ADK: variants seen among roughly 807,000 people sequenced by gnomAD.
ADK encodes adenosine kinase, also known as N6,N6-dimethyladenosine kinase.
ADK carries 24 observed loss-of-function variants against 44.7 expected under a neutral mutation model. The observed-to-expected ratio is 0.54, with a 90% CI of 0.39 to 0.76. ADK has a LOEUF of 0.76. Ranked by LOEUF, ADK falls within the 30% of genes least tolerant of loss-of-function variation. The pLI is 0.00. For synonymous variants in ADK, 128 were observed against 142.6 expected, an observed-to-expected ratio of 0.90 and a Z score of 0.73; for missense variants, 321 against 425.1, an observed-to-expected ratio of 0.76 and a Z score of 2.15.
intron 9 of ADK, among the ~76,000 whole-genome samples, chr10:74,605,893 G>T (rs1852308301): frequency 6.6e-6 from 1 of 152,106 alleles, no homozygotes; most frequent in Admixed American, 6.5e-5. Context: ...TGGTTGATAG[G>T]CTATTAATTA....
chr10:74,592,721 A>G (rs1851765064), intron 8 of ADK, among the ~76,000 whole-genome samples: 1 of 152,172 alleles, frequency 6.6e-6, no homozygotes, highest in South Asian at 2.1e-4. Flanking sequence ...CTGACCAATG[A>G]GGATTCTTTC....
chr10:74,348,300 G>A (rs541687329), intron 4 of ADK, among the ~76,000 whole-genome samples: 108 of 152,276 alleles, frequency 7.1e-4, no homozygotes, highest in African/African-American at 2.5e-3. Flanking sequence ...ACAGGGTCTG[G>A]AGTGGACTTA....
At chr10:74,463,498 C>T (rs1320149886) in intron 6 of ADK, among the ~76,000 whole-genome samples, 2 of 151,996 alleles carry the variant, frequency 1.3e-5, no homozygotes, top group African/African-American at 4.8e-5. Context: ...AATCTAATGC[C>T]GCCAGTTATC....
At position 74,182,064 on chromosome 10, in the gene ADK, C is replaced by T. The variant is rs908102141; in HGVS notation, c.66-18700C>T. Among the ~76,000 whole-genome samples, 9 of 152,146 alleles carry T rather than the reference C, an allele frequency of 5.9e-5. No homozygotes were observed. The South Asian group carries it at 1.2e-3, about 21-fold the overall frequency. The stretch of plus-strand genomic sequence containing the variant: ...CGTGGGGTATTTTCCTTCTAACACT[C>T]GAAACTTTTTGAGGTATGTCCAATA... On this transcript the variant is annotated intron_variant, in intron 1 of 10. Transcript: ENST00000539909.
At chr10:74,434,261 A>G (rs1845107183) in intron 6 of ADK, among the ~76,000 whole-genome samples, 2 of 152,214 alleles carry the variant, frequency 1.3e-5, no homozygotes, top group Non-Finnish European at 2.9e-5. Context: ...GTCTAAAATG[A>G]CTGATGGATT....
intron 10 of ADK, among the ~76,000 whole-genome samples, chr10:74,681,883 C>T (rs1855620898): frequency 6.7e-6 from 1 of 150,328 alleles, no homozygotes; most frequent in Admixed American, 6.6e-5. Context: ...GTCAGTTAAG[C>T]TGTCTGTTAT....
intron 6 of ADK, among the ~76,000 whole-genome samples, chr10:74,429,500 T>C (rs1844909687): frequency 6.6e-6 from 1 of 152,212 alleles, no homozygotes; most frequent in Admixed American, 6.5e-5. Flanking sequence ...TCAAGTGGTC[T>C]TATTACCATA....
chr10:74,475,997 C>G (rs972062154), intron 6 of ADK, among the ~76,000 whole-genome samples: 9 of 152,054 alleles, frequency 5.9e-5, no homozygotes, highest in African/African-American at 1.7e-4. Context: ...TGTATTTAAT[C>G]CTGTTACCTA....
intron 9 of ADK, among the ~76,000 whole-genome samples, chr10:74,609,504 C>T (rs1386105357): frequency 3.9e-5 from 6 of 152,106 alleles, no homozygotes; most frequent in Non-Finnish European, 7.4e-5. Context: ...AGTTCTCGAC[C>T]CCTTGCACTT....
intron 3 of ADK, among the ~76,000 whole-genome samples, chr10:74,284,894 G>A (rs1027498132): frequency 6.6e-6 from 1 of 152,218 alleles, no homozygotes; most frequent in African/African-American, 2.4e-5. Context: ...TTTTACAACT[G>A]TGTAACAACT....
At chr10:74,644,238 A>T (rs1311007485) in intron 9 of ADK, among the ~76,000 whole-genome samples, 1 of 152,216 alleles carries the variant, frequency 6.6e-6, no homozygotes, top group Non-Finnish European at 1.5e-5. Flanking sequence ...TCTGTACCAC[A>T]TTCAACCAGA....
At position 74,209,283 on chromosome 10, in the gene ADK, C is replaced by G. The variant is rs1031118194; in HGVS notation, c.140+8445C>G. Among the ~76,000 whole-genome samples the G allele has an allele frequency of 2.5e-4, 38 of 152,266 alleles. No homozygotes were observed. In the South Asian group the frequency reaches 7.7e-3, roughly 31 times the overall value. On this transcript the variant is annotated intron_variant, in intron 2 of 10. Transcript: ENST00000539909. ...CAGTGTTCCTCCCCTCTGGAGGATG[C>G]AGCAACAAGGTTCCATGTTAGAAGC...
At chr10:74,420,885 G>A (rs191028305) in intron 6 of ADK, among the ~76,000 whole-genome samples, 73 of 152,130 alleles carry the variant, frequency 4.8e-4, no homozygotes, top group African/African-American at 1.6e-3. Flanking sequence ...TACAAACGAC[G>A]GGAAAGAAAA....
Position 74,505,263 on chromosome 10 carries a change from A to G in ADK, c.556-19993A>G, listed in dbSNP as rs184463890. Among the ~76,000 whole-genome samples the G allele has an allele frequency of 3.0e-3, 455 of 152,344 alleles. 2 individuals are homozygous for G. Among genetic ancestry groups the G allele is most frequent in the African/African-American group, 0.01 (434 of 41,580 alleles). ...ACCTTTTGCTTTTGGTTCAGTGCCCATATCATAGAAGGGTCCATGTTGTAA... is the reference window on the plus strand; with the variant it reads ...ACCTTTTGCTTTTGGTTCAGTGCCCGTATCATAGAAGGGTCCATGTTGTAA... On this transcript the variant is annotated intron_variant, in intron 6 of 10. Transcript: ENST00000539909.
chr10:74,400,570 G>A (rs1256570602), intron 6 of ADK, among the ~76,000 whole-genome samples: 1 of 152,186 alleles, frequency 6.6e-6, no homozygotes, highest in Non-Finnish European at 1.5e-5. Flanking sequence ...ATGATGTGTA[G>A]TCTAGTCTAG....
rs529907116 is a variant in ADK, at chr10:74,650,369, C to T, written c.878-19814C>T. Among the ~76,000 whole-genome samples the T allele has an allele frequency of 3.4e-4, 52 of 152,102 alleles. No individual in the cohort carries two copies. The South Asian group carries it at 0.01, about 30-fold the overall frequency. On this transcript the variant is annotated intron_variant, in intron 9 of 10. Coordinates refer to ENST00000539909, the MANE Select transcript of ADK (RefSeq NM_006721.4). The stretch of plus-strand genomic sequence containing the variant: ...CAGGAGGTGGAGGCTGCCAAGATCT[C>T]GCCACTGCACTCCAGCTTGCGTGAC...
chr10:74,669,135 T>C (rs1199487154), intron 9 of ADK, among the ~76,000 whole-genome samples: 2 of 152,210 alleles, frequency 1.3e-5, no homozygotes, highest in Non-Finnish European at 2.9e-5. Context: ...AACATATTTA[T>C]GTCTCTTGTT....
At chr10:74,239,170 T>C (rs959955387) in intron 3 of ADK, among the ~76,000 whole-genome samples, 1 of 148,030 alleles carries the variant, frequency 6.8e-6, no homozygotes, top group Admixed American at 6.7e-5. Context: ...CAGTTACTTA[T>C]TTTTTTTTTC....
chr10:74,449,384 T>A (rs1845693263), intron 6 of ADK, among the ~76,000 whole-genome samples: 1 of 152,170 alleles, frequency 6.6e-6, no homozygotes, highest in Non-Finnish European at 1.5e-5. Context: ...AAAATACCTG[T>A]ATAGCAACAC....
Sources: gnomAD v4.1 joint callset for allele counts (sites outside exome capture counted in the v4.1 genomes callset) on GRCh38, gnomAD v4.1.1 for gene constraint, MANE v1.5 for transcripts, NCBI Gene and HGNC (gene_info 2026-07-23, HGNC 2026-07-21) for gene names.